The following SLC23A2 variants were observed in gnomAD, a reference collection of about 807,000 sequenced individuals.
The protein encoded by SLC23A2 is Na(+)/L-ascorbic acid transporter 2.
SLC23A2 carries 36 observed loss-of-function variants against 73.3 expected under a neutral mutation model. That is an observed-to-expected ratio of 0.49 (90% CI 0.38 to 0.65). The LOEUF (loss-of-function observed/expected upper bound fraction) is 0.65, where lower values mean the gene tolerates loss of function less well. Ranked by LOEUF, SLC23A2 falls within the 30% of genes least tolerant of loss-of-function variation. The pLI is 0.00. For synonymous variants in SLC23A2, 343 were observed against 327.3 expected (o/e 1.05, Z -0.52); for missense variants, 507 against 841.6 (o/e 0.60, Z 4.92).
At chr20:4,941,737 T>C (rs1218313654) in intron 2 of SLC23A2, among the ~76,000 whole-genome samples, 1 of 150,578 alleles carries the variant, frequency 6.6e-6, no homozygotes, top group Non-Finnish European at 1.5e-5. Flanking sequence ...ATAAGGTAGA[T>C]CTCGTGTTAA....
intron 6 of SLC23A2, among the ~76,000 whole-genome samples, chr20:4,894,258 G>T (rs531365152): frequency 1.3e-5 from 2 of 152,134 alleles, no homozygotes; most frequent in Non-Finnish European, 2.9e-5. Flanking sequence ...GGAAGAGGGA[G>T]AGGGAGAGGG....
In SLC23A2 at chr20:4,857,202, T is replaced by C. The variant is rs780695843; in HGVS notation, c.1723A>G (p.Thr575Ala). ...TTCCGGATTCCTCTTTCCTCTGGAGTGCCTGTCACACATCCCAAGATAGAA... is the reference window on the plus strand; with the variant it reads ...TTCCGGATTCCTCTTTCCTCTGGAGCGCCTGTCACACATCCCAAGATAGAA... ...AFILDNTIPG[T>A]PEERGIRKWK... The change falls in exon 17 of 17, where the codon ACT becomes GCT. Residue 575 changes from threonine to alanine, a missense_variant and splice_region_variant. By Grantham distance (58) the Thr-to-Ala change is moderately conservative (BLOSUM62 0). Coordinates refer to ENST00000338244, the MANE Select transcript of SLC23A2 (RefSeq NM_005116.6). This position sits in a 1 kb window ranked among gnomAD's most constrained non-coding sequence, Gnocchi z 4.0. The C allele has an allele frequency of 6.3e-7, 1 of 1,583,792 alleles. No individual in the cohort carries two copies. Among genetic ancestry groups the C allele is most frequent in the Non-Finnish European group, 8.6e-7 (1 of 1,158,918 alleles).
At chr20:4,974,490 A>C (rs2087613479) in intron 1 of SLC23A2, among the ~76,000 whole-genome samples, 1 of 151,964 alleles carries the variant, frequency 6.6e-6, no homozygotes, top group Non-Finnish European at 1.5e-5. Flanking sequence ...AAATAATAAT[A>C]ATAAAAATAA....
At chr20:4,928,950 G>A (rs144219826) in intron 3 of SLC23A2, among the ~76,000 whole-genome samples, 14 of 152,172 alleles carry the variant, frequency 9.2e-5, no homozygotes, top group East Asian at 5.8e-4. Context: ...AAACATTTCC[G>A]TACGCAAGAA....
intron 1 of SLC23A2, among the ~76,000 whole-genome samples, chr20:4,982,554 C>G (rs1474766319): frequency 6.6e-6 from 1 of 152,024 alleles, no homozygotes. Flanking sequence ...CCAGAATAGT[C>G]AAAACAATCT....
At position 4,904,234 on chromosome 20, in the gene SLC23A2, C is replaced by A. The variant is rs568814257; in HGVS notation, c.208-1676G>T. On this transcript the variant is annotated intron_variant, in intron 4 of 16. Coordinates refer to ENST00000338244, the MANE Select transcript of SLC23A2 (RefSeq NM_005116.6). Reference sequence around the variant, plus strand: ...TTAGCCACATAGGCAGTCAGCCATACCTATACGACAGATCCCCAATTAAAA... The same window carrying A: ...TTAGCCACATAGGCAGTCAGCCATAACTATACGACAGATCCCCAATTAAAA... 3.9e-5 allele frequency among the ~76,000 whole-genome samples: 6 copies of A among 152,318 alleles called. No individual in the cohort carries two copies. In the South Asian group the frequency reaches 1.2e-3, roughly 32 times the overall value.
At position 4,859,270 on chromosome 20, in the gene SLC23A2, T is replaced by C; in HGVS notation, c.1720+19A>G. 7.0e-7 allele frequency: 1 copy of C among 1,431,782 alleles called. No homozygotes were observed. The highest frequency in any genetic ancestry group is 9.7e-7 in the Non-Finnish European group (1 of 1,029,564). 88.7% of individuals were successfully genotyped at this position (1,431,782 alleles called of 1,614,324 possible). On this transcript the variant is annotated intron_variant, in intron 16 of 16. Transcript: ENST00000338244. ...AAAAAATAAAAAAAAAAAAAGTGTGTTTGATATATACCACGTACCTGGGAT... is the reference window on the plus strand; with the variant it reads ...AAAAAATAAAAAAAAAAAAAGTGTGCTTGATATATACCACGTACCTGGGAT...
At chr20:4,866,463 C>CA (rs1930204922) in intron 13 of SLC23A2, among the ~76,000 whole-genome samples, 1 of 152,248 alleles carries the variant, frequency 6.6e-6, no homozygotes, top group Admixed American at 6.5e-5. Context: ...ATCCTTCCCT[C>CA]ATCTCCCTGT....
intron 3 of SLC23A2, among the ~76,000 whole-genome samples, chr20:4,931,068 GAAAAA>G (rs758041566): frequency 6.7e-3 from 499 of 75,034 alleles, no homozygotes; most frequent in Non-Finnish European, 9.8e-3. Context: ...ATTTTTTTAA[GAAAAA>G]AAAAAAAAAA....
chr20:4,953,957 C>A (rs988470434), intron 2 of SLC23A2, among the ~76,000 whole-genome samples: 2 of 151,982 alleles, frequency 1.3e-5, no homozygotes, highest in Non-Finnish European at 2.9e-5. Flanking sequence ...AAAAGTAACA[C>A]TAATGCTGCC....
chr20:4,931,068 G>GAAAAAAAA (rs758041566), intron 3 of SLC23A2, among the ~76,000 whole-genome samples: 1 of 75,078 alleles, frequency 1.3e-5, no homozygotes, highest in Non-Finnish European at 2.6e-5. Flanking sequence ...ATTTTTTTAA[G>GAAAAAAAA]AAAAAAAAAA....
chr20:4,904,041 T>C (rs761467205), intron 4 of SLC23A2, among the ~76,000 whole-genome samples: 3 of 152,134 alleles, frequency 2.0e-5, no homozygotes, highest in Non-Finnish European at 2.9e-5. Context: ...ACACCTGTGG[T>C]CCCAGCACCA....
At chr20:4,989,259 AATAGCTAACT>A (rs937691230) in intron 1 of SLC23A2, among the ~76,000 whole-genome samples, 6 of 151,822 alleles carry the variant, frequency 4.0e-5, no homozygotes, top group Non-Finnish European at 5.9e-5. Context: ...AAGAAAAAGA[AATAGCTAACT>A]ATAGGAAGGA....
In SLC23A2 at chr20:4,855,218, C is replaced by A. The variant is rs1929670099; in HGVS notation, c.*1754G>T. ...CCCAAACTTCCAAGAGTGAAGGGGG[C>A]TACGGTGACATGGCAATGCTGCAAA... On this transcript the variant is annotated 3_prime_UTR_variant, in exon 17 of 17. Coordinates refer to ENST00000338244, the MANE Select transcript of SLC23A2 (RefSeq NM_005116.6). 1 of 152,364 alleles carries A rather than the reference C, an allele frequency of 6.6e-6. No individual in the cohort carries two copies. Among genetic ancestry groups the A allele is most frequent in the Non-Finnish European group, 1.5e-5 (1 of 68,076 alleles). The allele number at this position is 152,364 out of a possible 1,614,324, so 9.4% of individuals were successfully genotyped here.
At chr20:4,907,396 C>A (rs1353988595) in intron 4 of SLC23A2, among the ~76,000 whole-genome samples, 1 of 152,036 alleles carries the variant, frequency 6.6e-6, no homozygotes, top group Non-Finnish European at 1.5e-5. Flanking sequence ...CTTTTATTGC[C>A]TCCTATCCTG....
intron 1 of SLC23A2, among the ~76,000 whole-genome samples, chr20:4,997,006 T>C (rs1362224405): frequency 2.6e-5 from 4 of 152,158 alleles, no homozygotes; most frequent in African/African-American, 7.2e-5. Flanking sequence ...TCCTCCAGCA[T>C]CTCAGTTAAT....
chr20:4,999,807 G>A lies in SLC23A2; in HGVS notation c.-282+1599C>T, dbSNP rs548032789. Among the ~76,000 whole-genome samples, 13 of 152,196 alleles carry A rather than the reference G, an allele frequency of 8.5e-5. No individual in the cohort carries two copies. The South Asian group carries it at 1.0e-3, about 12-fold the overall frequency. ...CTGCCAGACAACCATCTAAAATACT[G>A]TCAACATAAAAAGTTCCTGAAATAC... On this transcript the variant is annotated intron_variant, in intron 1 of 16. Transcript: ENST00000338244.
chr20:4,912,894 C>T lies in SLC23A2; in HGVS notation c.193G>A (p.Gly65Ser), dbSNP rs556171693. 37 of 1,610,682 alleles carry T rather than the reference C, an allele frequency of 2.3e-5. No homozygotes were observed. The highest frequency in any genetic ancestry group is 2.0e-4 in the South Asian group (18 of 91,018). ...GGAAGGGGTACCTTTTCTGCAATGC[C>T]GTTTTCCGTAGTGTAGATCGCCATG... ...ELMAIYTTEN[G>S]IAEKSSLAET... is the part of the protein sequence containing the mutation. Residue 65 changes from glycine (G) to serine (S), a missense_variant, in exon 4 of 17, where the codon GGC (glycine) becomes AGC (serine). By Grantham distance (56) the Gly-to-Ser change is moderately conservative (BLOSUM62 0). Coordinates refer to ENST00000338244, the MANE Select transcript of SLC23A2 (RefSeq NM_005116.6).
intron 9 of SLC23A2, among the ~76,000 whole-genome samples, chr20:4,882,743 G>A (rs1208251886): frequency 2.6e-5 from 4 of 152,162 alleles, no homozygotes; most frequent in African/African-American, 7.2e-5. Flanking sequence ...CTATATACAA[G>A]TGTTATATAA....
Sources: allele counts gnomAD v4.1 joint callset (sites outside exome capture counted in the v4.1 genomes callset), GRCh38; gene constraint gnomAD v4.1.1; non-coding constraint Gnocchi (gnomAD v3.1); transcripts MANE v1.5; gene names NCBI Gene and HGNC (gene_info 2026-07-23, HGNC 2026-07-21).